ANP32B: variants seen among roughly 807,000 people sequenced by gnomAD.
The protein encoded by ANP32B is acidic nuclear phosphoprotein 32 family member B, also known as acidic leucine-rich nuclear phosphoprotein 32 family member B.
Under a neutral mutation model 32.2 loss-of-function variants are expected in ANP32B, and 6 were observed. The observed-to-expected ratio is 0.19, with a 90% confidence interval of 0.10 to 0.37. The LOEUF (loss-of-function observed/expected upper bound fraction) is 0.37. ANP32B is among the 10% of genes least tolerant of loss of function. The probability of loss-of-function intolerance (pLI) is 1.00; values close to 1 mark genes in which losing one functional copy is unlikely to be tolerated. For synonymous variants in ANP32B, 98 were observed against 105.8 expected (o/e 0.93, Z 0.45); for missense variants, 204 against 289.2 (o/e 0.71, Z 2.14).
intron 1 of ANP32B, among the ~76,000 whole-genome samples, chr9:97,993,939 G>C (rs1827867712): frequency 6.6e-6 from 1 of 152,192 alleles, no homozygotes; most frequent in Non-Finnish European, 1.5e-5. Context: ...GGCCAGATGT[G>C]ATACTCTTGG....
chr9:97,989,242 C>T (rs1018017931), intron 1 of ANP32B, among the ~76,000 whole-genome samples: 2 of 152,044 alleles, frequency 1.3e-5, no homozygotes, highest in South Asian at 2.1e-4. Flanking sequence ...TTGTTATATC[C>T]TCCAGTCAGA....
At chr9:98,003,555 A>T (rs917790912) in intron 3 of ANP32B, among the ~76,000 whole-genome samples, 3 of 152,190 alleles carry the variant, frequency 2.0e-5, no homozygotes, top group African/African-American at 7.2e-5. Flanking sequence ...ACCGGTTCCC[A>T]ACCCCTGCTC....
chr9:97,993,784 C>T (rs541667412), intron 1 of ANP32B, among the ~76,000 whole-genome samples: 2 of 152,206 alleles, frequency 1.3e-5, no homozygotes, highest in Admixed American at 1.3e-4. Context: ...TACAGGCACT[C>T]GCCATCTTGC....
intron 3 of ANP32B, among the ~76,000 whole-genome samples, chr9:98,004,488 T>C (rs976762359): frequency 6.6e-6 from 1 of 152,234 alleles, no homozygotes; most frequent in Non-Finnish European, 1.5e-5. Context: ...GTTTCATGTC[T>C]GTGCCCTAAC....
chr9:97,984,455 C>G (rs1464011286), intron 1 of ANP32B: 8 of 151,680 alleles, frequency 5.3e-5, no homozygotes, highest in Admixed American at 3.9e-4. Flanking sequence ...CGGCCTCGCC[C>G]TTCCCCCTGT....
intron 4 of ANP32B, among the ~76,000 whole-genome samples, chr9:98,007,207 C>T (rs1468023568): frequency 6.6e-6 from 1 of 152,238 alleles, no homozygotes; most frequent in Non-Finnish European, 1.5e-5. Context: ...CCTTAACTAA[C>T]TGCATTGCTA....
intron 1 of ANP32B, chr9:97,984,554 G>A (rs931689096): frequency 1.4e-5 from 2 of 143,606 alleles, no homozygotes; most frequent in African/African-American, 2.6e-5. Flanking sequence ...ACGCCAGCCG[G>A]GGCGCGCCAC....
At chr9:97,985,861 G>A (rs1161876704) in intron 1 of ANP32B, among the ~76,000 whole-genome samples, 1 of 150,752 alleles carries the variant, frequency 6.6e-6, no homozygotes, top group East Asian at 1.9e-4. Context: ...TCTCTCTCTT[G>A]CCCAGGCTGG....
In ANP32B at chr9:97,983,501, C is replaced by T. The variant is rs1670920924; in HGVS notation, c.-55C>T. The T allele has an allele frequency of 2.7e-6, 4 of 1,479,468 alleles. No homozygotes were observed. The highest frequency in any genetic ancestry group is 1.4e-5 in the African/African-American group (1 of 69,908). The allele number at this position is 1,479,468 out of a possible 1,614,324, so 91.6% of individuals were successfully genotyped here. A position where few individuals can be genotyped will look rare whatever the true frequency, so the allele number is the denominator to read the frequency against. On this transcript the variant is annotated 5_prime_UTR_variant, in exon 1 of 7. Transcript: ENST00000339399. ...CGCTGCGCAAGCCGGGACGCCTCTCCCCCCTCCGCCCCCGCCGCGGAAAGT... is the reference window on the plus strand; with the variant it reads ...CGCTGCGCAAGCCGGGACGCCTCTCTCCCCTCCGCCCCCGCCGCGGAAAGT...
chr9:98,006,287 G>A (rs938671269), intron 4 of ANP32B, among the ~76,000 whole-genome samples: 3 of 152,208 alleles, frequency 2.0e-5, no homozygotes, highest in Non-Finnish European at 4.4e-5. Context: ...ATAGTGGCAA[G>A]TGAGTTGGTG....
At chr9:97,989,966 G>A (rs1475266889) in intron 1 of ANP32B, among the ~76,000 whole-genome samples, 1 of 152,250 alleles carries the variant, frequency 6.6e-6, no homozygotes, top group African/African-American at 2.4e-5. Context: ...TTTGGAGTGA[G>A]TCTGTTCCCA....
chr9:98,000,425 T>C (rs1827970800), intron 3 of ANP32B, among the ~76,000 whole-genome samples: 1 of 152,236 alleles, frequency 6.6e-6, no homozygotes, highest in Non-Finnish European at 1.5e-5. Flanking sequence ...ACTAGTTTTA[T>C]TCGTTTCCTT....
intron 4 of ANP32B, among the ~76,000 whole-genome samples, chr9:98,010,216 C>CA (rs1410801873): frequency 6.8e-6 from 1 of 146,200 alleles, no homozygotes; most frequent in Non-Finnish European, 1.5e-5. Flanking sequence ...AAAAAAGGAA[C>CA]AAAAAAACAA....
At chr9:97,987,556 CTG>C (rs1162144294) in intron 1 of ANP32B, 3 of 152,182 alleles carry the variant, frequency 2.0e-5, no homozygotes, top group African/African-American at 7.2e-5. Context: ...TTCCAGTAAA[CTG>C]AACATGTCGC....
intron 1 of ANP32B, among the ~76,000 whole-genome samples, chr9:97,993,621 A>G (rs1827862602): frequency 1.3e-5 from 2 of 152,210 alleles, no homozygotes; most frequent in Middle Eastern, 3.2e-3. Context: ...TCAATATTCA[A>G]AAGTTCAAAT....
At chr9:98,004,583 A>ATACCCAGGAAGTTC (rs1458295387) in intron 3 of ANP32B, among the ~76,000 whole-genome samples, 5 of 152,216 alleles carry the variant, frequency 3.3e-5, no homozygotes, top group Non-Finnish European at 7.3e-5. Context: ...AGACCGCTTG[A>ATACCCAGGAAGTTC]TACCCAGGAA....
At chr9:98,015,091 T>C (rs1587883632) in intron 6 of ANP32B, among the ~76,000 whole-genome samples, 1 of 152,156 alleles carries the variant, frequency 6.6e-6, no homozygotes, top group Non-Finnish European at 1.5e-5. Context: ...AATTGCTAGA[T>C]TTGTAAAAAG....
At chr9:98,005,187 C>T in intron 4 of ANP32B, 34 bp downstream of exon 4, 1 of 1,594,036 alleles carries the variant, frequency 6.3e-7, no homozygotes, top group Non-Finnish European at 8.6e-7. Context: ...AACCTGATGT[C>T]TGCCTTTCAA....
In ANP32B at chr9:97,994,798, A is replaced by T; in HGVS notation, c.204+18A>T. 2 of 1,578,346 alleles carry T rather than the reference A, an allele frequency of 1.3e-6. No individual in the cohort carries two copies. Among genetic ancestry groups the T allele is most frequent in the Non-Finnish European group, 1.7e-6 (2 of 1,165,210 alleles). ...TGAAAAAGGTAAGTGCTTTTTCTTT[A>T]ACAGTAAAAGAGAACGATCCTGGGA... On this transcript the variant is annotated intron_variant, in intron 2 of 6. Coordinates refer to ENST00000339399, the MANE Select transcript of ANP32B (RefSeq NM_006401.3).
Sources: gnomAD v4.1 joint callset for allele counts (sites outside exome capture counted in the v4.1 genomes callset) on GRCh38, gnomAD v4.1.1 for gene constraint, MANE v1.5 for transcripts, NCBI Gene and HGNC (gene_info 2026-07-23, HGNC 2026-07-21) for gene names.